The following CEP152 variants were observed in gnomAD, a reference collection of about 807,000 sequenced individuals.
The protein encoded by CEP152 is centrosomal protein of 152 kDa.
CEP152 carries 132 observed loss-of-function variants against 188.9 expected under a neutral mutation model. The ratio of observed to expected loss-of-function variants is 0.70; its 90% CI spans 0.61 to 0.81. The LOEUF (loss-of-function observed/expected upper bound fraction) is 0.81, where lower values mean the gene tolerates loss of function less well. Among genes scored for constraint, CEP152 ranks in the 30% least tolerant of loss-of-function variants. CEP152 has a pLI of 0.00. For missense variants in CEP152, 1,914 were observed against 1,969.8 expected (o/e 0.97, Z 0.54); for synonymous variants, 649 against 666.6 (o/e 0.97, Z 0.41).
intron 13 of CEP152, among the ~76,000 whole-genome samples, chr15:48,769,448 G>A (rs774097675): frequency 2.8e-4 from 42 of 152,056 alleles, no homozygotes; most frequent in African/African-American, 4.3e-4. Flanking sequence ...ATACTAACCC[G>A]TTATTTTGTG....
chr15:48,735,690 G>A (rs574669652), downstream of CEP152, among the ~76,000 whole-genome samples: 15 of 152,156 alleles, frequency 9.9e-5, no homozygotes, highest in East Asian at 1.9e-3. Context: ...AGCCAAGATC[G>A]CGCCACTTCA....
At chr15:48,796,822 T>C (rs1464492367) in intron 5 of CEP152, among the ~76,000 whole-genome samples, 1 of 152,210 alleles carries the variant, frequency 6.6e-6, no homozygotes, top group Non-Finnish European at 1.5e-5. Context: ...ATTCATCCTG[T>C]CTACTGTTAT....
At chr15:48,757,223 G>A (rs546555870) in intron 19 of CEP152, among the ~76,000 whole-genome samples, 28 of 152,280 alleles carry the variant, frequency 1.8e-4, no homozygotes, top group Admixed American at 5.9e-4. Context: ...TAACAGAACA[G>A]AATCTGGAGA....
At chr15:48,784,855 T>C (rs1003320548) in intron 9 of CEP152, among the ~76,000 whole-genome samples, 2 of 152,184 alleles carry the variant, frequency 1.3e-5, no homozygotes, top group Non-Finnish European at 2.9e-5. Flanking sequence ...GTATGCAATA[T>C]ACTCAAGTTT....
At chr15:48,787,871 C>G (rs1712232741) in intron 9 of CEP152, among the ~76,000 whole-genome samples, 1 of 152,190 alleles carries the variant, frequency 6.6e-6, no homozygotes, top group South Asian at 2.1e-4. Context: ...CCACCTGACT[C>G]ACATTTAGCT....
chr15:48,797,770 T>G (rs747766857), intron 3 of CEP152, 40 bp from the exon 4 acceptor site: 7 of 1,603,678 alleles, frequency 4.4e-6, no homozygotes, highest in Non-Finnish European at 6.0e-6. Flanking sequence ...AGCGTATCAT[T>G]TATTTGTACA....
At position 48,797,977 on chromosome 15, in the gene CEP152, C is replaced by T. The variant is rs749068775; in HGVS notation, c.162G>A (p.Ser54=). Residue 54 remains serine, a synonymous_variant, in exon 3 of 27, where the codon TCG becomes TCA. Transcript: ENST00000380950. ...CGTCTGTGCCATCCTCGCTGCAGTC[C>T]GAATACTGGAGCTCTGGAGAGGAGA... ...DDLSSPELQY[S]DCSEDGTDGQ... is the part of the protein sequence containing the mutation. The T allele has an allele frequency of 8.7e-6, 14 of 1,613,830 alleles. No individual in the cohort carries two copies. Among genetic ancestry groups the T allele is most frequent in the Admixed American group, 3.3e-5 (2 of 59,966 alleles).
Position 48,767,473 on chromosome 15 carries a change from G to C in CEP152, c.2019-10C>G, listed in dbSNP as rs1463799546. 4 of 1,614,040 alleles carry C rather than the reference G, an allele frequency of 2.5e-6. No individual in the cohort carries two copies. The South Asian group carries it at 4.4e-5, about 18-fold the overall frequency. ...ATAAGTCCTTTCACACCTGGAAACA[G>C]AGCGGAATCAAAGGCAATGCCCAGT... On this transcript the variant is annotated splice_polypyrimidine_tract_variant and intron_variant, in intron 15 of 26. Coordinates refer to ENST00000380950, the MANE Select transcript of CEP152 (RefSeq NM_001194998.2).
At chr15:48,743,576 T>C (rs931016472) in intron 24 of CEP152, among the ~76,000 whole-genome samples, 2 of 152,098 alleles carry the variant, frequency 1.3e-5, no homozygotes, top group Non-Finnish European at 2.9e-5. Context: ...AAGTTTATGG[T>C]AGGAGGCCGG....
intron 2 of CEP152, among the ~76,000 whole-genome samples, chr15:48,799,106 T>A (rs1177555915): frequency 6.6e-6 from 1 of 151,980 alleles, no homozygotes; most frequent in African/African-American, 2.4e-5. Flanking sequence ...TCAAACCCCA[T>A]AACATTGTGC....
At position 48,756,458 on chromosome 15, in the gene CEP152, C is replaced by A. The variant is rs552953431; in HGVS notation, c.2790G>T (p.Lys930Asn). The change falls in exon 20 of 27, where the codon AAG (lysine) becomes AAT (asparagine). Residue 930 changes from lysine to asparagine, a missense_variant. Coordinates refer to ENST00000380950, the MANE Select transcript of CEP152 (RefSeq NM_001194998.2). ...NILPGKELEEKIHSLQKELEL... is the reference protein window; with the variant it reads ...NILPGKELEENIHSLQKELEL... ...CAAGTTCCTTCTGAAGAGAATGAATCTTCTCTTCCAATTCCTTTCCAGGAA... is the reference window on the plus strand; with the variant it reads ...CAAGTTCCTTCTGAAGAGAATGAATATTCTCTTCCAATTCCTTTCCAGGAA... The A allele has an allele frequency of 6.2e-7, 1 of 1,613,578 alleles. No homozygotes were observed. The highest frequency in any genetic ancestry group is 1.1e-5 in the South Asian group (1 of 91,054).
At chr15:48,758,350 G>A in intron 19 of CEP152, among the ~76,000 whole-genome samples, 1 of 152,038 alleles carries the variant, frequency 6.6e-6, no homozygotes, top group East Asian at 1.9e-4. Flanking sequence ...TATTTTTTGT[G>A]GCTGATATAA....
Position 48,788,883 on chromosome 15 carries a change from A to G in CEP152, c.1091T>C (p.Met364Thr), listed in dbSNP as rs746779567. 3 of 1,614,202 alleles carry G rather than the reference A, an allele frequency of 1.9e-6. No individual in the cohort carries two copies. Among genetic ancestry groups the G allele is most frequent in the Non-Finnish European group, 2.5e-6 (3 of 1,180,026 alleles). The change falls in exon 9 of 27, where the codon ATG becomes ACG. Residue 364 changes from methionine (M) to threonine (T), a missense_variant. Transcript: ENST00000380950. ...RAREQHESIV[M>T]GLTKKYEEQV... is the part of the protein sequence containing the mutation. ...CTCTTCGTACTTCTTTGTGAGGCCC[A>G]TAACAATGCTCTCATGCTGTTCTCT... is the stretch of plus-strand genomic sequence containing the variant.
At chr15:48,756,969 T>C (rs148159049) in intron 19 of CEP152, among the ~76,000 whole-genome samples, 1 of 152,310 alleles carries the variant, frequency 6.6e-6, no homozygotes, top group African/African-American at 2.4e-5. Context: ...ACCTGCATAA[T>C]TACTTGCTGA....
At position 48,762,308 on chromosome 15, in the gene CEP152, C is replaced by T. The variant is rs1297474279; in HGVS notation, c.2562+83G>A. The T allele has an allele frequency of 4.1e-5, 52 of 1,257,004 alleles. No individual in the cohort carries two copies. The East Asian group carries it at 5.6e-4, about 13-fold the overall frequency. 77.9% of individuals were successfully genotyped at this position (1,257,004 alleles called of 1,614,324 possible). On this transcript the variant is annotated intron_variant, in intron 18 of 26. Transcript: ENST00000380950. Reference sequence around the variant, plus strand: ...AATCTTAAAAGTATAAAGTTATGAACGAGTTCAATGATAGCATTGTATGGG... The same window carrying T: ...AATCTTAAAAGTATAAAGTTATGAATGAGTTCAATGATAGCATTGTATGGG...
At position 48,768,206 on chromosome 15, in the gene CEP152, A is replaced by T; in HGVS notation, c.2018+13T>A. 6.6e-7 allele frequency: 1 copy of T among 1,509,442 alleles called. No individual in the cohort carries two copies. Among genetic ancestry groups the T allele is most frequent in the Non-Finnish European group, 9.2e-7 (1 of 1,084,628 alleles). The allele number at this position is 1,509,442 out of a possible 1,614,324, so 93.5% of individuals were successfully genotyped here. ...CCCAGGAGACAGTCGTCAGGCATCTATATAGACCTTACCTATCCACAGCTT... is the reference window on the plus strand; with the variant it reads ...CCCAGGAGACAGTCGTCAGGCATCTTTATAGACCTTACCTATCCACAGCTT... On this transcript the variant is annotated intron_variant, in intron 15 of 26. Coordinates refer to ENST00000380950, the MANE Select transcript of CEP152 (RefSeq NM_001194998.2).
At chr15:48,741,395 T>C in intron 26 of CEP152, 1 of 1,408,520 alleles carries the variant, frequency 7.1e-7, no homozygotes, top group Non-Finnish European at 9.2e-7. Flanking sequence ...GAAGCAGCAA[T>C]AGGAAACTGA....
intron 26 of CEP152, 144 bp from the exon 27 acceptor site, chr15:48,739,432 G>A (rs1892806824): frequency 1.6e-6 from 2 of 1,250,828 alleles, no homozygotes; most frequent in South Asian, 4.4e-5. Flanking sequence ...CTTATATACT[G>A]TAATAATTCT....
rs145890450 is a variant in CEP152 at position 48,750,664 on chromosome 15, T to C, written c.3466+1685A>G. ...CTGAAATACTATGTAGCAATGAAAA[T>C]GAATGAACTAGAGCTATTGCATCAA... On this transcript the variant is annotated intron_variant, in intron 21 of 26. Transcript: ENST00000380950. Among the ~76,000 whole-genome samples the C allele has an allele frequency of 3.5e-3, 538 of 152,168 alleles. 3 individuals carry two copies. Among genetic ancestry groups the C allele is most frequent in the African/African-American group, 0.013 (522 of 41,514 alleles).
Sources: gnomAD v4.1 joint callset for allele counts (sites outside exome capture counted in the v4.1 genomes callset) on GRCh38, gnomAD v4.1.1 for gene constraint, MANE v1.5 for transcripts, NCBI Gene and HGNC (gene_info 2026-07-23, HGNC 2026-07-21) for gene names.